PARG: variants seen among roughly 807,000 people sequenced by gnomAD.
The protein encoded by PARG is poly(ADP-ribose) glycohydrolase.
A neutral mutation model predicts 113.0 loss-of-function variants in PARG; 35 were observed. That is an observed-to-expected ratio of 0.31 (90% CI 0.24 to 0.41). The LOEUF (loss-of-function observed/expected upper bound fraction) is 0.41, where lower values mean the gene tolerates loss of function less well. PARG is among the 10% of genes least tolerant of loss of function. PARG has a pLI of 1.00. For synonymous variants in PARG, 330 were observed against 409.9 expected (o/e 0.81, Z 2.36); for missense variants, 797 against 1,169.4 (o/e 0.68, Z 4.64).
chr10:49,913,921 A>C (rs551050868), intron 7 of PARG, among the ~76,000 whole-genome samples: 1 of 152,076 alleles, frequency 6.6e-6, no homozygotes, highest in Non-Finnish European at 1.5e-5. Context: ...ATAAATAAAT[A>C]AATATTAGAA....
chr10:49,888,618 G>A (rs781917423), intron 7 of PARG, among the ~76,000 whole-genome samples: 1 of 152,146 alleles, frequency 6.6e-6, no homozygotes, highest in Non-Finnish European at 1.5e-5. Flanking sequence ...TAGGCATTGT[G>A]TCATTTCTCT....
chr10:49,821,954 C>T (rs1016702235), intron 16 of PARG, among the ~76,000 whole-genome samples: 2 of 151,992 alleles, frequency 1.3e-5, no homozygotes, highest in African/African-American at 4.8e-5. Flanking sequence ...GGTCTTAGGC[C>T]AGAAAGAGAG....
At position 49,852,318 on chromosome 10, in the gene PARG, C is replaced by T. The variant is rs546350630; in HGVS notation, c.2353+4988G>A. 1.3e-3 allele frequency among the ~76,000 whole-genome samples: 193 copies of T among 152,068 alleles called. 1 individual carries two copies. The highest frequency in any genetic ancestry group is 4.4e-3 in the African/African-American group (182 of 41,428). On this transcript the variant is annotated intron_variant, in intron 13 of 17. Transcript: ENST00000616448. ...ATATGTCCTTAGCCTGAGGTAATTA[C>T]AGATCTGAAGGTGAGTCATGGATCT...
chr10:49,915,548 T>C (rs1322469441), intron 7 of PARG, among the ~76,000 whole-genome samples: 9 of 152,066 alleles, frequency 5.9e-5, no homozygotes, highest in African/African-American at 2.2e-4. Context: ...ATATCAAATA[T>C]GGGAAAATAT....
At chr10:49,927,619 A>G (rs1838273438) in intron 4 of PARG, among the ~76,000 whole-genome samples, 1 of 152,156 alleles carries the variant, frequency 6.6e-6, no homozygotes, top group African/African-American at 2.4e-5. Context: ...ATTTAGGATT[A>G]TATTGTGTCA....
chr10:49,900,957 T>C (rs1848323144), intron 7 of PARG, among the ~76,000 whole-genome samples: 1 of 152,224 alleles, frequency 6.6e-6, no homozygotes, highest in African/African-American at 2.4e-5. Context: ...CTAATGGTGA[T>C]GTAAGTTTTC....
chr10:49,925,834 T>G (rs1279522487), intron 4 of PARG, among the ~76,000 whole-genome samples: 20 of 152,206 alleles, frequency 1.3e-4, no homozygotes, highest in African/African-American at 4.6e-4. Flanking sequence ...CTAAGGAAAT[T>G]GAACACTTGA....
intron 13 of PARG, among the ~76,000 whole-genome samples, chr10:49,848,692 G>T (rs1366822307): frequency 6.6e-6 from 1 of 151,974 alleles, no homozygotes; most frequent in Admixed American, 6.6e-5. Context: ...AACATTGGTA[G>T]AGCACTTAAC....
chr10:49,941,464 G>T (rs1334841112), intron 1 of PARG, 45 bp downstream of exon 1: 3 of 1,398,812 alleles, frequency 2.1e-6, no homozygotes, highest in East Asian at 2.5e-5. Context: ...AGACCAGAAG[G>T]TTCGGGCCGA....
intron 2 of PARG, 51 bp downstream of exon 2, chr10:49,935,025 A>C (rs1393086200): frequency 2.9e-6 from 2 of 686,954 alleles, no homozygotes; most frequent in South Asian, 3.3e-5. Flanking sequence ...GCAACAAGAT[A>C]AAACATCCAT....
rs576283145 is a variant in PARG at position 49,892,575 on chromosome 10, C to A, written c.1738-7280G>T. The stretch of plus-strand genomic sequence containing the variant: ...ATTCCCCTTTGAGAACCATTTTTCC[C>A]AACATTTTTAAAAATTTCAAAAATA... On this transcript the variant is annotated intron_variant, in intron 7 of 17. Transcript: ENST00000616448. 8.5e-5 allele frequency among the ~76,000 whole-genome samples: 13 copies of A among 152,160 alleles called. No homozygotes were observed. In the East Asian group the frequency reaches 2.5e-3, roughly 29 times the overall value.
Position 49,922,550 on chromosome 10 carries a change from A to G in PARG, c.1575T>C (p.Asp525=), listed in dbSNP as rs1554849594. Residue 525 remains aspartate (D), a synonymous_variant, in exon 5 of 18, where the codon GAT becomes GAC. Coordinates refer to ENST00000616448, the MANE Select transcript of PARG (RefSeq NM_003631.5). ...CSEQNLYPVE[D]ENGERTAGSR... ...AGAATCTCGGTTTTGTTCTTACCTC[A>G]TCTTCCACTGGGTACAAATTTTGTT... is the stretch of plus-strand genomic sequence containing the variant. The G allele has an allele frequency of 1.9e-6, 3 of 1,611,448 alleles. No individual in the cohort carries two copies. Among genetic ancestry groups the G allele is most frequent in the Non-Finnish European group, 2.5e-6 (3 of 1,179,626 alleles).
intron 4 of PARG, among the ~76,000 whole-genome samples, chr10:49,925,727 G>C (rs1428291121): frequency 3.3e-5 from 5 of 152,218 alleles, no homozygotes; most frequent in African/African-American, 1.2e-4. Flanking sequence ...TACTGAGACA[G>C]AGCAGGGAGC....
At chr10:49,938,160 C>G (rs1215739154) in intron 1 of PARG, among the ~76,000 whole-genome samples, 5 of 152,208 alleles carry the variant, frequency 3.3e-5, no homozygotes, top group African/African-American at 4.8e-5. Context: ...CCAGTTGCTT[C>G]ACTTCGTTAA....
intron 16 of PARG, among the ~76,000 whole-genome samples, chr10:49,823,452 T>C (rs1203419743): frequency 2.6e-5 from 4 of 152,150 alleles, no homozygotes; most frequent in Non-Finnish European, 5.9e-5. Context: ...CCCAAACTAA[T>C]ATTTATTGAG....
At chr10:49,929,600 G>C (rs1838387463) in intron 4 of PARG, among the ~76,000 whole-genome samples, 1 of 152,224 alleles carries the variant, frequency 6.6e-6, no homozygotes, top group South Asian at 2.1e-4. Context: ...GGACGAGGTG[G>C]GCAGATCACC....
intron 4 of PARG, among the ~76,000 whole-genome samples, chr10:49,928,245 T>C (rs1222032320): frequency 4.0e-5 from 6 of 151,540 alleles, no homozygotes; most frequent in Non-Finnish European, 8.8e-5. Context: ...CACTCCAGTC[T>C]GGGTGACAGA....
chr10:49,890,910 T>G (rs574069863), intron 7 of PARG, among the ~76,000 whole-genome samples: 375 of 152,368 alleles, frequency 2.5e-3, no homozygotes, highest in Non-Finnish European at 4.6e-3. Flanking sequence ...TACTGAACTT[T>G]GAATTAATAA....
Position 49,898,013 on chromosome 10 carries a change from A to C in PARG, c.1738-12718T>G, listed in dbSNP as rs187107004. ...GTCTCAAAAAAAACAAAAAAACACAAAGACATTGGGACTAGATGCCAGAGC... is the reference window on the plus strand; with the variant it reads ...GTCTCAAAAAAAACAAAAAAACACACAGACATTGGGACTAGATGCCAGAGC... On this transcript the variant is annotated intron_variant, in intron 7 of 17. Transcript: ENST00000616448. 9.8e-3 allele frequency among the ~76,000 whole-genome samples: 1,485 copies of C among 152,188 alleles called. 15 individuals are homozygous for C. Among genetic ancestry groups the C allele is most frequent in the Non-Finnish European group, 0.016 (1,108 of 67,998 alleles).
Sources: allele counts gnomAD v4.1 joint callset (sites outside exome capture counted in the v4.1 genomes callset), GRCh38; gene constraint gnomAD v4.1.1; transcripts MANE v1.5; gene names NCBI Gene and HGNC (gene_info 2026-07-23, HGNC 2026-07-21).